LHFPL2: variants seen among roughly 807,000 people sequenced by gnomAD.
LHFPL2 encodes LHFPL tetraspan subfamily member 2, also known as LHFPL tetraspan subfamily member 2 protein.
A neutral mutation model predicts 17.5 loss-of-function variants in LHFPL2; 7 were observed. The ratio of observed to expected loss-of-function variants is 0.40; its 90% confidence interval spans 0.23 to 0.75. LHFPL2 has a LOEUF of 0.75. Ranked by LOEUF, LHFPL2 falls within the 30% of genes least tolerant of loss-of-function variation. LHFPL2 has a pLI of 0.37. For missense variants in LHFPL2, 241 were observed against 294.8 expected, an observed-to-expected ratio of 0.82 and a Z score of 1.34; for synonymous variants, 134 against 116.2, an observed-to-expected ratio of 1.15 and a Z score of -0.99.
rs1006766340 is a variant in LHFPL2, at chr5:78,563,769, G to T, written c.-186+1044C>A. On this transcript the variant is annotated intron_variant, in intron 3 of 4. Transcript: ENST00000380345. ...GATTAGCCTGCTCAGGACACCATCT[G>T]TCTCAGGTCAGCCCTGGCATTCCTA... Among the ~76,000 whole-genome samples, 8 of 151,720 alleles carry T rather than the reference G, an allele frequency of 5.3e-5. 1 individual carries two copies. The highest frequency in any genetic ancestry group is 4.6e-4 in the Admixed American group (7 of 15,238).
At chr5:78,513,567 G>C (rs924269802) in intron 3 of LHFPL2, among the ~76,000 whole-genome samples, 1 of 152,152 alleles carries the variant, frequency 6.6e-6, no homozygotes, top group African/African-American at 2.4e-5. Flanking sequence ...TGGTTTAGCT[G>C]TGTCCGCACC....
intron 4 of LHFPL2, among the ~76,000 whole-genome samples, chr5:78,489,671 A>G (rs1263599621): frequency 6.6e-6 from 1 of 152,210 alleles, no homozygotes; most frequent in Non-Finnish European, 1.5e-5. Context: ...CGAGTGGCCA[A>G]CTTGTTACTA....
intron 4 of LHFPL2, among the ~76,000 whole-genome samples, chr5:78,492,305 C>T (rs563446867): frequency 2.0e-5 from 3 of 152,344 alleles, no homozygotes; most frequent in African/African-American, 2.4e-5. Context: ...ACATTAACTG[C>T]ACATTGCACT....
chr5:78,541,842 A>C (rs963781451), intron 3 of LHFPL2, among the ~76,000 whole-genome samples: 1 of 152,150 alleles, frequency 6.6e-6, no homozygotes, highest in Non-Finnish European at 1.5e-5. Flanking sequence ...CGACCTGATT[A>C]GGAGGAGGGC....
intron 2 of LHFPL2, among the ~76,000 whole-genome samples, chr5:78,610,139 C>T (rs1199173164): frequency 6.6e-6 from 1 of 152,098 alleles, no homozygotes; most frequent in East Asian, 1.9e-4. Flanking sequence ...AGTCACCCCA[C>T]CCCAGGCAGA....
intron 3 of LHFPL2, among the ~76,000 whole-genome samples, chr5:78,519,580 AG>A (rs1755388084): frequency 6.6e-6 from 1 of 152,212 alleles, no homozygotes; most frequent in Non-Finnish European, 1.5e-5. Flanking sequence ...TAGTGACCTT[AG>A]GTGAAATTGG....
chr5:78,639,111 G>GC (rs776535762), intron 1 of LHFPL2, among the ~76,000 whole-genome samples: 7 of 152,122 alleles, frequency 4.6e-5, no homozygotes, highest in South Asian at 2.1e-4. Context: ...ATCCTAAGAG[G>GC]CCCCCCAGCC....
intron 2 of LHFPL2, among the ~76,000 whole-genome samples, chr5:78,576,365 C>T (rs868799135): frequency 6.6e-6 from 1 of 152,016 alleles, no homozygotes; most frequent in Non-Finnish European, 1.5e-5. Flanking sequence ...TCATAAATTA[C>T]CCACGAAAAA....
At chr5:78,517,878 C>T (rs1422965624) in intron 3 of LHFPL2, among the ~76,000 whole-genome samples, 2 of 152,214 alleles carry the variant, frequency 1.3e-5, no homozygotes, top group African/African-American at 4.8e-5. Context: ...CTAAAGCCCA[C>T]TTGCGTATTT....
Position 78,498,969 on chromosome 5 carries a change from C to T in LHFPL2, c.431-9816G>A, listed in dbSNP as rs549952040. Among the ~76,000 whole-genome samples, 8 of 152,216 alleles carry T rather than the reference C, an allele frequency of 5.3e-5. No individual in the cohort carries two copies. The East Asian group carries it at 1.5e-3, about 29-fold the overall frequency. ...GTGTTGATAGTGGTAAAGAGTGTTC[C>T]TATTCCTCAGTTTCTATGTCTCCAG... On this transcript the variant is annotated intron_variant, in intron 4 of 4. Transcript: ENST00000380345.
intron 1 of LHFPL2, chr5:78,642,067 G>A (rs140180094): frequency 1.3e-5 from 2 of 152,242 alleles, no homozygotes; most frequent in African/African-American, 4.8e-5. Context: ...TTCCTGATGA[G>A]GGCCCTCTTC....
At chr5:78,601,362 C>T (rs574194530) in intron 2 of LHFPL2, among the ~76,000 whole-genome samples, 12 of 152,274 alleles carry the variant, frequency 7.9e-5, no homozygotes, top group African/African-American at 2.6e-4. Context: ...CCAGAGCAGA[C>T]AGTACCAAGA....
At chr5:78,543,763 C>T (rs1353858997) in intron 3 of LHFPL2, among the ~76,000 whole-genome samples, 4 of 152,180 alleles carry the variant, frequency 2.6e-5, no homozygotes, top group Admixed American at 2.0e-4. Flanking sequence ...AGCTGGAGGA[C>T]TAAGGGAGAC....
intron 2 of LHFPL2, among the ~76,000 whole-genome samples, chr5:78,589,418 C>T (rs910959735): frequency 4.0e-5 from 6 of 148,864 alleles, no homozygotes; most frequent in African/African-American, 7.5e-5. Flanking sequence ...TGCAATGAGC[C>T]GAGATCGCAC....
rs534731939 is a variant in LHFPL2 at position 78,506,360 on chromosome 5, C to A, written c.430+3424G>T. 4.5e-4 allele frequency among the ~76,000 whole-genome samples: 68 copies of A among 152,290 alleles called. 2 individuals carry two copies. The highest frequency in any genetic ancestry group is 1.8e-3 in the Admixed American group (28 of 15,298). On this transcript the variant is annotated intron_variant, in intron 4 of 4. Coordinates refer to ENST00000380345, the MANE Select transcript of LHFPL2 (RefSeq NM_005779.3). ...ATGTAAGTTGTAAGAACAAACACAG[C>A]CTGAGTGTATTTCTAAAGAATCCTT...
At chr5:78,612,312 G>A (rs982164477) in intron 2 of LHFPL2, among the ~76,000 whole-genome samples, 3 of 152,070 alleles carry the variant, frequency 2.0e-5, no homozygotes, top group Admixed American at 6.6e-5. Context: ...ATTAAAAATA[G>A]GAAAATAGCC....
intron 3 of LHFPL2, among the ~76,000 whole-genome samples, chr5:78,562,419 C>G (rs1309262811): frequency 6.6e-6 from 1 of 152,130 alleles, no homozygotes; most frequent in African/African-American, 2.4e-5. Flanking sequence ...TATAATGCGA[C>G]TGACTACATA....
chr5:78,540,876 T>G lies in LHFPL2; in HGVS notation c.-186+23937A>C, dbSNP rs114945974. Among the ~76,000 whole-genome samples the G allele has an allele frequency of 7.5e-3, 1,130 of 150,540 alleles. 16 individuals carry two copies. The highest frequency in any genetic ancestry group is 0.025 in the African/African-American group (1,041 of 40,888). ...TAACTTGCTATGGGGACACGGGGGG[T>G]TTTCATCCCACATTCTTGGCCTTTA... On this transcript the variant is annotated intron_variant, in intron 3 of 4. Transcript: ENST00000380345.
chr5:78,543,895 T>C (rs1756188393), intron 3 of LHFPL2, among the ~76,000 whole-genome samples: 2 of 151,202 alleles, frequency 1.3e-5, no homozygotes, highest in African/African-American at 4.9e-5. Flanking sequence ...GAGGGGAGAG[T>C]CTGACTTTGC....
Sources: gnomAD v4.1 joint callset for allele counts (sites outside exome capture counted in the v4.1 genomes callset) on GRCh38, gnomAD v4.1.1 for gene constraint, MANE v1.5 for transcripts, NCBI Gene and HGNC (gene_info 2026-07-23, HGNC 2026-07-21) for gene names.